Variants in TBC1D22A observed in about 807,000 individuals in gnomAD.
TBC1D22A encodes the protein putative GTPase activator.
A neutral mutation model predicts 60.2 loss-of-function variants in TBC1D22A; 38 were observed. That is an observed-to-expected ratio of 0.63 (90% CI 0.49 to 0.83). TBC1D22A has a LOEUF of 0.83. TBC1D22A is among the 40% of genes least tolerant of loss of function. The probability of loss-of-function intolerance (pLI) is 0.00; values close to 1 mark genes in which losing one functional copy is unlikely to be tolerated. For missense variants in TBC1D22A, 628 were observed against 701.0 expected (o/e 0.90, Z 1.18); for synonymous variants, 302 against 281.7 (o/e 1.07, Z -0.72).
chr22:47,061,581 AGC>A lies in TBC1D22A; in HGVS notation c.1329+24385_1329+24386del, dbSNP rs1450769826. On this transcript the variant is annotated intron_variant, in intron 11 of 12. Coordinates refer to ENST00000337137, the MANE Select transcript of TBC1D22A (RefSeq NM_014346.5). ...CCCACACAGTCCTAAACATATTTGC[AGC>A]GTTTTGTTTTGTCTCTTCTGTAGCC... Among the ~76,000 whole-genome samples the A allele has an allele frequency of 2.6e-5, 4 of 152,094 alleles. No individual in the cohort carries two copies. The East Asian group carries it at 5.8e-4, about 22-fold the overall frequency.
chr22:47,125,619 A>G (rs1601593865), intron 12 of TBC1D22A, among the ~76,000 whole-genome samples: 1 of 152,210 alleles, frequency 6.6e-6, no homozygotes, highest in Admixed American at 6.5e-5. Flanking sequence ...AAGGAACAGG[A>G]TTGTTGGGAG....
chr22:46,826,165 G>A (rs1380814509), intron 4 of TBC1D22A, among the ~76,000 whole-genome samples: 13 of 152,256 alleles, frequency 8.5e-5, no homozygotes, highest in African/African-American at 1.2e-4. Flanking sequence ...ATAGGCGTGA[G>A]CCACCACACC....
intron 11 of TBC1D22A, among the ~76,000 whole-genome samples, chr22:47,080,342 T>G (rs1005040503): frequency 6.6e-6 from 1 of 152,198 alleles, no homozygotes; most frequent in Non-Finnish European, 1.5e-5. Context: ...TTGCAAGTAC[T>G]CAGTAACGAA....
At chr22:47,018,200 A>C (rs532047291) in intron 10 of TBC1D22A, among the ~76,000 whole-genome samples, 1 of 152,158 alleles carries the variant, frequency 6.6e-6, no homozygotes, top group Non-Finnish European at 1.5e-5. Flanking sequence ...TGTTCTTCCT[A>C]TCCATGGAAG....
At chr22:47,160,270 A>G (rs538344014) in intron 12 of TBC1D22A, among the ~76,000 whole-genome samples, 1 of 152,324 alleles carries the variant, frequency 6.6e-6, no homozygotes, top group African/African-American at 2.4e-5. Context: ...GCACGTGGTC[A>G]GGATACAGGG....
chr22:46,793,409 T>C, intron 2 of TBC1D22A, 92 bp from the exon 3 acceptor site: 1 of 1,248,556 alleles, frequency 8.0e-7, no homozygotes. Context: ...TGAACACTTC[T>C]ATGCCTGTCT....
chr22:46,810,459 A>G (rs1373288017), intron 4 of TBC1D22A, among the ~76,000 whole-genome samples: 2 of 152,064 alleles, frequency 1.3e-5, no homozygotes, highest in South Asian at 2.1e-4. Context: ...AAAAAAGTAT[A>G]TATTTATGGA....
intron 11 of TBC1D22A, among the ~76,000 whole-genome samples, chr22:47,066,011 G>A (rs139944303): frequency 7.2e-5 from 11 of 152,306 alleles, no homozygotes; most frequent in Middle Eastern, 3.4e-3. Flanking sequence ...CACCCTGTGC[G>A]TCATGGGAGA....
chr22:46,855,253 C>T (rs904454265), intron 4 of TBC1D22A, among the ~76,000 whole-genome samples: 3 of 152,222 alleles, frequency 2.0e-5, no homozygotes, highest in Non-Finnish European at 4.4e-5. Context: ...GTCCCCTTAC[C>T]TATACATAAT....
chr22:46,978,421 CA>C (rs1316138408), intron 9 of TBC1D22A, among the ~76,000 whole-genome samples: 1 of 152,282 alleles, frequency 6.6e-6, no homozygotes, highest in Non-Finnish European at 1.5e-5. Flanking sequence ...TTTTTCGAAA[CA>C]AAAATGTTTA....
intron 12 of TBC1D22A, among the ~76,000 whole-genome samples, chr22:47,159,330 TACACAC>T (rs200271512): frequency 8.4e-6 from 1 of 119,334 alleles, no homozygotes; most frequent in East Asian, 2.0e-4. Flanking sequence ...CACACATGTA[TACACAC>T]ACACCATGTA....
intron 4 of TBC1D22A, among the ~76,000 whole-genome samples, chr22:46,841,962 T>C (rs1046210901): frequency 3.9e-5 from 6 of 152,242 alleles, no homozygotes; most frequent in African/African-American, 1.4e-4. Context: ...CTTATTTGCA[T>C]ACCATTTTTA....
intron 4 of TBC1D22A, among the ~76,000 whole-genome samples, chr22:46,858,664 G>A (rs926765126): frequency 2.0e-5 from 3 of 152,254 alleles, no homozygotes; most frequent in African/African-American, 7.2e-5. Flanking sequence ...CCGAGGGGGA[G>A]CGCTGAGCGA....
At chr22:47,126,745 C>G (rs942677745) in intron 12 of TBC1D22A, among the ~76,000 whole-genome samples, 2 of 152,242 alleles carry the variant, frequency 1.3e-5, no homozygotes, top group Non-Finnish European at 2.9e-5. Flanking sequence ...GAAGCCATGT[C>G]AAGGGCAGAG....
At chr22:46,948,394 T>C (rs1037816799) in intron 8 of TBC1D22A, among the ~76,000 whole-genome samples, 2 of 152,236 alleles carry the variant, frequency 1.3e-5, no homozygotes, top group African/African-American at 4.8e-5. Context: ...GGGTCATGCC[T>C]TTGTAGTCAA....
intron 4 of TBC1D22A, among the ~76,000 whole-genome samples, chr22:46,827,245 C>T (rs571931840): frequency 2.0e-5 from 3 of 152,272 alleles, no homozygotes; most frequent in South Asian, 4.1e-4. Context: ...GTGCTCTGCC[C>T]GCCGTCACCA....
At chr22:47,061,212 C>T (rs1006686191) in intron 11 of TBC1D22A, among the ~76,000 whole-genome samples, 3 of 151,792 alleles carry the variant, frequency 2.0e-5, no homozygotes, top group South Asian at 4.2e-4. Context: ...GGTGCCCTCA[C>T]CACGGTCCTG....
intron 7 of TBC1D22A, 134 bp downstream of exon 7, chr22:46,894,980 A>T (rs73470863): frequency 7.0e-6 from 6 of 859,550 alleles, no homozygotes; most frequent in Middle Eastern, 5.8e-4. Context: ...CGGTGCATCT[A>T]GCCCTTGTGG....
At chr22:46,941,657 T>C in intron 8 of TBC1D22A, among the ~76,000 whole-genome samples, 1 of 79,644 alleles carries the variant, frequency 1.3e-5, no homozygotes, top group Non-Finnish European at 2.8e-5. Flanking sequence ...ATACGGAATA[T>C]ATATACGCGG....
Sources: allele counts gnomAD v4.1 joint callset (sites outside exome capture counted in the v4.1 genomes callset), GRCh38; gene constraint gnomAD v4.1.1; transcripts MANE v1.5; gene names NCBI Gene and HGNC (gene_info 2026-07-23, HGNC 2026-07-21).